The following PPP2R5D variants were observed in gnomAD, a reference collection of about 807,000 sequenced individuals.
The protein encoded by PPP2R5D is serine/threonine-protein phosphatase 2A 56 kDa regulatory subunit delta isoform.
In PPP2R5D, 12 loss-of-function variants were observed where a neutral mutation model predicts 79.1. That is an observed-to-expected ratio of 0.15 (90% CI 0.10 to 0.25). PPP2R5D has a LOEUF of 0.25. Ranked by LOEUF, PPP2R5D falls within the 10% of genes least tolerant of loss-of-function variation. The pLI, the probability that PPP2R5D is intolerant of heterozygous loss-of-function variation, is 1.00. For missense variants in PPP2R5D, 419 were observed against 760.2 expected (o/e 0.55, Z 5.28); for synonymous variants, 277 against 286.6 (o/e 0.97, Z 0.34).
At chr6:43,001,681 G>A (rs1475469515) in intron 2 of PPP2R5D, among the ~76,000 whole-genome samples, 4 of 151,884 alleles carry the variant, frequency 2.6e-5, no homozygotes, top group East Asian at 3.9e-4. Flanking sequence ...TCAGGAGATC[G>A]AGATCAGCCT....
At chr6:42,994,414 T>G (rs1316920665) in intron 2 of PPP2R5D, among the ~76,000 whole-genome samples, 10 of 152,230 alleles carry the variant, frequency 6.6e-5, no homozygotes, top group African/African-American at 2.4e-4. Flanking sequence ...CTGCTGGCTC[T>G]AAGATTCTAG....
chr6:42,989,176 T>C (rs756869186), intron 1 of PPP2R5D, among the ~76,000 whole-genome samples: 12 of 152,212 alleles, frequency 7.9e-5, no homozygotes, highest in Non-Finnish European at 1.6e-4. Context: ...TCCAGGTGGC[T>C]GTGAGGGGAG....
chr6:43,008,033 T>C lies in PPP2R5D; in HGVS notation c.825T>C (p.Tyr275=), dbSNP rs1415236862. ...GCAAGTTTTTGGGGCTCCGGGCTTA[T>C]ATCCGTAGGCAGATCAACCACATCT... ...IYGKFLGLRA[Y]IRRQINHIFY... The change falls in exon 7 of 16, where the codon TAT becomes TAC. Residue 275 remains tyrosine (Y), a synonymous_variant. Coordinates refer to ENST00000485511, the MANE Select transcript of PPP2R5D (RefSeq NM_006245.4). The surrounding 1 kb of genome is among the most constrained non-coding windows in gnomAD (Gnocchi z 4.2). The C allele has an allele frequency of 1.2e-6, 2 of 1,614,242 alleles. No homozygotes were observed. The highest frequency in any genetic ancestry group is 1.7e-6 in the Non-Finnish European group (2 of 1,180,046).
In PPP2R5D at chr6:43,005,991, T is replaced by G. The variant is rs566892777; in HGVS notation, c.106-472T>G. Among the ~76,000 whole-genome samples the G allele has an allele frequency of 8.5e-5, 13 of 152,276 alleles. No homozygotes were observed. In the East Asian group the frequency reaches 2.3e-3, roughly 27 times the overall value. ...TCTTAAGTGTACTGCTCAATAAATT[T>G]TAGGTATGTATCTGCCATGCACCAC... On this transcript the variant is annotated intron_variant, in intron 2 of 15. Transcript: ENST00000485511.
chr6:43,002,231 T>G (rs1034990561), intron 2 of PPP2R5D, among the ~76,000 whole-genome samples: 1 of 151,582 alleles, frequency 6.6e-6, no homozygotes, highest in Non-Finnish European at 1.5e-5. Context: ...TGGCATGATC[T>G]CAGCTCACTG....
intron 2 of PPP2R5D, among the ~76,000 whole-genome samples, chr6:42,991,698 A>T (rs1250887131): frequency 1.3e-5 from 2 of 152,200 alleles, no homozygotes; most frequent in Non-Finnish European, 2.9e-5. Context: ...AAATGCACCA[A>T]TTTCACATTA....
Position 43,006,883 on chromosome 6 carries a change from G to A in PPP2R5D, c.323-28G>A, listed in dbSNP as rs1762115679. 1 of 1,612,834 alleles carries A rather than the reference G, an allele frequency of 6.2e-7. No individual in the cohort carries two copies. The highest frequency in any genetic ancestry group is 1.1e-5 in the South Asian group (1 of 91,024). ...GGCATCGCAGTGAAGGACTACAGAG[G>A]AGAACCTGACTGCTGGGGCCCCCAC... On this transcript the variant is annotated intron_variant, in intron 3 of 15. Coordinates refer to ENST00000485511, the MANE Select transcript of PPP2R5D (RefSeq NM_006245.4). This position sits in a 1 kb window ranked among gnomAD's most constrained non-coding sequence, Gnocchi z 4.7.
rs1291261365 is a variant in PPP2R5D, at chr6:43,006,372, G to A, written c.106-91G>A. On this transcript the variant is annotated intron_variant, in intron 2 of 15. Transcript: ENST00000485511. This position sits in a 1 kb window ranked among gnomAD's most constrained non-coding sequence, Gnocchi z 4.7. ...AGACAGCTGCTCACTGCCCAGGCCTGTGCAGGCATAAACAGACTTGGGGAT... is the reference window on the plus strand; with the variant it reads ...AGACAGCTGCTCACTGCCCAGGCCTATGCAGGCATAAACAGACTTGGGGAT... 3.3e-6 allele frequency: 5 copies of A among 1,522,006 alleles called. No homozygotes were observed. The East Asian group carries it at 7.3e-5, about 22-fold the overall frequency. 94.3% of individuals were successfully genotyped at this position (1,522,006 alleles called of 1,614,324 possible). A position where few individuals can be genotyped will look rare whatever the true frequency, so the allele number is the denominator to read the frequency against.
Position 43,011,226 on chromosome 6 carries a change from G to C in PPP2R5D, c.1749G>C (p.Lys583Asn). 6.2e-7 allele frequency: 1 copy of C among 1,614,124 alleles called. No individual in the cohort carries two copies. The highest frequency in any genetic ancestry group is 8.5e-7 in the Non-Finnish European group (1 of 1,180,022). Residue 583 changes from lysine (K) to asparagine (N), a missense_variant, in exon 16 of 16, where the codon AAG becomes AAC. By Grantham distance (94) the Lys-to-Asn change is moderately conservative. Transcript: ENST00000485511. ...TGCCCCAGGACGTGTACACCATCAA[G>C]GCACTGGAGGCGCACAAGCGGGCGG... Reference protein sequence around the residue: ...SELPQDVYTIKALEAHKRAEE... With the variant: ...SELPQDVYTINALEAHKRAEE...
intron 2 of PPP2R5D, among the ~76,000 whole-genome samples, chr6:42,992,870 A>G (rs1268112281): frequency 1.3e-5 from 2 of 152,032 alleles, no homozygotes; most frequent in African/African-American, 4.8e-5. Context: ...GCTTAAAACA[A>G]TAGAAATAGG....
In PPP2R5D at chr6:43,007,340, G is replaced by A; in HGVS notation, c.633+34G>A. 1 of 1,610,322 alleles carries A rather than the reference G, an allele frequency of 6.2e-7. No homozygotes were observed. The highest frequency in any genetic ancestry group is 8.5e-7 in the Non-Finnish European group (1 of 1,176,522). On this transcript the variant is annotated intron_variant, in intron 5 of 15. Transcript: ENST00000485511. This position sits in a 1 kb window ranked among gnomAD's most constrained non-coding sequence, Gnocchi z 4.5. The stretch of plus-strand genomic sequence containing the variant: ...GCAAGGGGGCAGATTGGCCGTGGCT[G>A]CAGGGAGTGGGGCACTTGGAGGCCT...
intron 1 of PPP2R5D, among the ~76,000 whole-genome samples, chr6:42,988,388 G>C (rs1771009457): frequency 6.6e-6 from 1 of 152,182 alleles, no homozygotes. Context: ...GCTTCACTAG[G>C]TGGCCAGTTT....
At position 43,009,535 on chromosome 6, in the gene PPP2R5D, A is replaced by C. The variant is rs41274900; in HGVS notation, c.1379+86A>C. On this transcript the variant is annotated intron_variant, in intron 12 of 15. Transcript: ENST00000485511. The surrounding 1 kb of genome is among the most constrained non-coding windows in gnomAD (Gnocchi z 5.6). ...GAAGAACTAAAGAGCCAGGGGTCTC[A>C]CCTAGTCACCCAGCAAGTGGGGCTG... 95,633 of 1,561,680 alleles carry C rather than the reference A, an allele frequency of 0.061. 4,994 individuals are homozygous for C. The highest frequency in any genetic ancestry group is 0.2 in the African/African-American group (14,574 of 73,562).
intron 2 of PPP2R5D, among the ~76,000 whole-genome samples, chr6:43,001,435 G>A (rs113150048): frequency 2.6e-5 from 4 of 152,096 alleles, no homozygotes; most frequent in South Asian, 4.1e-4. Flanking sequence ...CACTGTGCCC[G>A]GCCAGGATCC....
chr6:42,996,247 G>A (rs1486814380), intron 2 of PPP2R5D, among the ~76,000 whole-genome samples: 2 of 150,266 alleles, frequency 1.3e-5, no homozygotes, highest in Non-Finnish European at 3.0e-5. Flanking sequence ...GGCGGATCAC[G>A]AGGTCAGGAG....
intron 1 of PPP2R5D, among the ~76,000 whole-genome samples, chr6:42,986,164 T>C (rs1297531453): frequency 6.6e-6 from 1 of 152,210 alleles, no homozygotes; most frequent in Non-Finnish European, 1.5e-5. Flanking sequence ...TGCCTTTTTC[T>C]ACCCTCTGTT....
chr6:42,989,426 T>C (rs1185862369), intron 1 of PPP2R5D, among the ~76,000 whole-genome samples, 185 bp from the exon 2 acceptor site: 1 of 152,070 alleles, frequency 6.6e-6, no homozygotes, highest in Non-Finnish European at 1.5e-5. Context: ...GATTCTAAAC[T>C]CTTTGGAGGG....
intron 2 of PPP2R5D, among the ~76,000 whole-genome samples, chr6:43,003,338 C>G (rs1443133182): frequency 6.6e-6 from 1 of 152,274 alleles, no homozygotes; most frequent in East Asian, 1.9e-4. Context: ...AGGAGAATCA[C>G]TTGAACCTGG....
rs1262814424 is a variant in PPP2R5D, at chr6:43,009,100, C to T, written c.1124C>T (p.Pro375Leu). 1 of 1,613,946 alleles carries T rather than the reference C, an allele frequency of 6.2e-7. No homozygotes were observed. The highest frequency in any genetic ancestry group is 8.5e-7 in the Non-Finnish European group (1 of 1,180,018). The change falls in exon 11 of 16, where the codon CCC becomes CTC. Residue 375 changes from proline (P) to leucine (L), a missense_variant. Coordinates refer to ENST00000485511, the MANE Select transcript of PPP2R5D (RefSeq NM_006245.4). The surrounding 1 kb of genome is among the most constrained non-coding windows in gnomAD (Gnocchi z 5.6). ...LLKFWPKTHSPKEVMFLNELE... is the reference protein window; with the variant it reads ...LLKFWPKTHSLKEVMFLNELE... ...AAGTTTTGGCCCAAGACCCACAGCC[C>T]CAAGGAGGTGATGTTCTTGAATGAG...
Sources: gnomAD v4.1 joint callset for allele counts (sites outside exome capture counted in the v4.1 genomes callset) on GRCh38, gnomAD v4.1.1 for gene constraint, Gnocchi (gnomAD v3.1) non-coding constraint, MANE v1.5 for transcripts, NCBI Gene and HGNC (gene_info 2026-07-23, HGNC 2026-07-21) for gene names.